Variants in MLIP observed in about 807,000 individuals in gnomAD.
The protein encoded by MLIP is muscular LMNA-interacting protein.
In MLIP, 79 loss-of-function variants were observed where a neutral mutation model predicts 84.8. The observed-to-expected ratio is 0.93, with a 90% CI of 0.78 to 1.12. The LOEUF is 1.12. Ranked by LOEUF, MLIP falls within the 50% of genes most tolerant of loss-of-function variation. The pLI is 0.00. For missense variants in MLIP, 1,257 were observed against 1,160.6 expected, an observed-to-expected ratio of 1.08 and a Z score of -1.21; for synonymous variants, 504 against 463.0, an observed-to-expected ratio of 1.09 and a Z score of -1.14.
At chr6:54,148,757 C>A (rs1773126776) in intron 4 of MLIP, among the ~76,000 whole-genome samples, 1 of 152,042 alleles carries the variant, frequency 6.6e-6, no homozygotes, top group South Asian at 2.1e-4. Context: ...GGGAATGCTG[C>A]CAATGAAAAA....
intron 11 of MLIP, among the ~76,000 whole-genome samples, chr6:54,211,848 C>A (rs1197506043): frequency 2.0e-5 from 3 of 152,228 alleles, no homozygotes; most frequent in African/African-American, 7.2e-5. Flanking sequence ...GCACTCTCTG[C>A]TCCAATACTA....
At chr6:54,228,586 G>C (rs991324060) in intron 11 of MLIP, among the ~76,000 whole-genome samples, 5 of 82,402 alleles carry the variant, frequency 6.1e-5, no homozygotes, top group African/African-American at 1.4e-4. Flanking sequence ...AGTGAACTTA[G>C]AGGCACAAAA....
At chr6:54,235,878 A>G (rs772801767) in intron 12 of MLIP, among the ~76,000 whole-genome samples, 3 of 152,098 alleles carry the variant, frequency 2.0e-5, no homozygotes, top group Non-Finnish European at 2.9e-5. Context: ...CCTTTCTGTT[A>G]TATAACCATG....
At chr6:54,169,892 T>G (rs955076005) in intron 9 of MLIP, among the ~76,000 whole-genome samples, 1 of 151,788 alleles carries the variant, frequency 6.6e-6, no homozygotes, top group Non-Finnish European at 1.5e-5. Context: ...ATTATGCTTA[T>G]AGAATAGTCA....
At chr6:54,020,924 G>A (rs567279934) in intron 1 of MLIP, among the ~76,000 whole-genome samples, 1 of 152,326 alleles carries the variant, frequency 6.6e-6, no homozygotes, top group East Asian at 1.9e-4. Context: ...GGGTAGTTAA[G>A]TGTACAAGCA....
chr6:54,198,480 ACTTT>A (rs1778449614), intron 10 of MLIP, among the ~76,000 whole-genome samples: 1 of 152,098 alleles, frequency 6.6e-6, no homozygotes, highest in Non-Finnish European at 1.5e-5. Flanking sequence ...TGTTTTATAG[ACTTT>A]CTAAGTGGCA....
At chr6:54,038,599 T>A (rs1340836619) in intron 1 of MLIP, among the ~76,000 whole-genome samples, 1 of 151,856 alleles carries the variant, frequency 6.6e-6, no homozygotes, top group Non-Finnish European at 1.5e-5. Flanking sequence ...TTTTTCTTTA[T>A]ATTTATGAAG....
At chr6:54,180,777 C>T (rs1393495931) in intron 9 of MLIP, among the ~76,000 whole-genome samples, 2 of 152,178 alleles carry the variant, frequency 1.3e-5, no homozygotes, top group African/African-American at 4.8e-5. Context: ...GTAGTCTCAA[C>T]ACAGCTATTT....
At chr6:54,110,645 T>C (rs963396306), upstream of MLIP, among the ~76,000 whole-genome samples, 9 of 152,218 alleles carry the variant, frequency 5.9e-5, 1 homozygote, top group Admixed American at 5.9e-4. Flanking sequence ...TTCCTTCCCA[T>C]AGCCTTTGAT....
intron 10 of MLIP, among the ~76,000 whole-genome samples, chr6:54,199,865 T>C (rs1233955004): frequency 6.6e-6 from 1 of 152,000 alleles, no homozygotes; most frequent in African/African-American, 2.4e-5. Context: ...AGGGAAACCA[T>C]ATGAAGACCA....
chr6:54,119,479 TA>T (rs1561947579), intron 1 of MLIP, among the ~76,000 whole-genome samples: 1 of 152,194 alleles, frequency 6.6e-6, no homozygotes, highest in Admixed American at 6.5e-5. Context: ...GTAGAATTTT[TA>T]AAAAGTTGAT....
At chr6:54,264,046 T>C (rs1196945708) in intron 13 of MLIP, among the ~76,000 whole-genome samples, 1 of 152,078 alleles carries the variant, frequency 6.6e-6, no homozygotes, top group Non-Finnish European at 1.5e-5. Flanking sequence ...CATAGCATAG[T>C]ACAACTTTTC....
chr6:54,097,264 TC>T (rs1326605703), intron 1 of MLIP, among the ~76,000 whole-genome samples: 2 of 152,176 alleles, frequency 1.3e-5, no homozygotes, highest in Non-Finnish European at 2.9e-5. Context: ...GCCCTTATCA[TC>T]AGGATCTAAG....
intron 9 of MLIP, among the ~76,000 whole-genome samples, chr6:54,188,530 C>A (rs1207831594): frequency 2.6e-5 from 4 of 152,028 alleles, no homozygotes; most frequent in African/African-American, 7.3e-5. Flanking sequence ...CTTAGGCCTA[C>A]ACAGAGTCAA....
At chr6:54,252,485 T>C (rs1213244532) in intron 12 of MLIP, among the ~76,000 whole-genome samples, 1 of 139,150 alleles carries the variant, frequency 7.2e-6, no homozygotes, top group Non-Finnish European at 1.5e-5. Flanking sequence ...TAATATATTA[T>C]AACATAATAT....
intron 1 of MLIP, among the ~76,000 whole-genome samples, chr6:54,095,447 CT>C (rs889579334): frequency 1.8e-4 from 28 of 152,158 alleles, no homozygotes; most frequent in African/African-American, 6.3e-4. Context: ...GTCTTTCGTG[CT>C]TTTTTTCCCC....
chr6:54,073,986 A>G (rs1395802090), intron 1 of MLIP, among the ~76,000 whole-genome samples: 1 of 152,268 alleles, frequency 6.6e-6, no homozygotes, highest in Non-Finnish European at 1.5e-5. Context: ...TCATGAATTA[A>G]CATTTTTAAT....
chr6:54,204,975 A>C (rs1285066916), intron 11 of MLIP, among the ~76,000 whole-genome samples: 1 of 152,204 alleles, frequency 6.6e-6, no homozygotes, highest in Non-Finnish European at 1.5e-5. Flanking sequence ...CTTAAAAGTG[A>C]ATTCCAAAGG....
chr6:54,182,726 C>T (rs1325015746), intron 9 of MLIP, among the ~76,000 whole-genome samples: 4 of 152,128 alleles, frequency 2.6e-5, no homozygotes, highest in Admixed American at 1.3e-4. Flanking sequence ...TTTTTACTAA[C>T]TACCAGTATA....
Sources: gnomAD v4.1 joint callset for allele counts (sites outside exome capture counted in the v4.1 genomes callset) on GRCh38, gnomAD v4.1.1 for gene constraint, MANE v1.5 for transcripts, NCBI Gene and HGNC (gene_info 2026-07-23, HGNC 2026-07-21) for gene names.